Variants in RBM27 observed in about 807,000 individuals in gnomAD.
The protein encoded by RBM27 is RNA binding motif protein 27, also known as RNA-binding protein 27.
In RBM27, 22 loss-of-function variants were observed where a neutral mutation model predicts 135.3. The ratio of observed to expected loss-of-function variants is 0.16; its 90% CI spans 0.12 to 0.23. The LOEUF (loss-of-function observed/expected upper bound fraction) is 0.23. RBM27 is among the 10% of genes least tolerant of loss of function. The pLI, the probability that RBM27 is intolerant of heterozygous loss-of-function variation, is 1.00. For synonymous variants in RBM27, 481 were observed against 442.4 expected, an observed-to-expected ratio of 1.09 and a Z score of -1.10; for missense variants, 1,009 against 1,281.0, an observed-to-expected ratio of 0.79 and a Z score of 3.24.
chr5:146,224,056 T>G (rs1756566401), intron 3 of RBM27, among the ~76,000 whole-genome samples: 1 of 152,210 alleles, frequency 6.6e-6, no homozygotes, highest in South Asian at 2.1e-4. Context: ...AAGGAAATTT[T>G]ACAGAGTTCT....
intron 14 of RBM27, among the ~76,000 whole-genome samples, chr5:146,265,793 C>T (rs1385860740): frequency 6.6e-6 from 1 of 152,152 alleles, no homozygotes; most frequent in African/African-American, 2.4e-5. Context: ...TGAGGAATTA[C>T]ACTGATGTCC....
At chr5:146,271,767 AT>A in intron 19 of RBM27, 93 bp downstream of exon 19, 1 of 1,113,216 alleles carries the variant, frequency 9.0e-7, no homozygotes, top group Non-Finnish European at 1.2e-6. Flanking sequence ...TGTTTTATAG[AT>A]TAGAAAAATT....
intron 10 of RBM27, among the ~76,000 whole-genome samples, chr5:146,256,287 A>G (rs972575371): frequency 3.1e-4 from 46 of 146,438 alleles, no homozygotes; most frequent in African/African-American, 1.0e-3. Flanking sequence ...TCATATATAT[A>G]TATTTTATAT....
intron 19 of RBM27, among the ~76,000 whole-genome samples, chr5:146,283,805 A>G (rs914998691): frequency 5.3e-5 from 8 of 152,336 alleles, no homozygotes; most frequent in African/African-American, 1.7e-4. Context: ...AGGTTTAGCA[A>G]TGATTTTGCT....
At chr5:146,251,586 C>A in intron 8 of RBM27, 125 bp from the exon 9 acceptor site, 1 of 869,376 alleles carries the variant, frequency 1.2e-6, no homozygotes, top group Non-Finnish European at 1.8e-6. Context: ...GAACATCTTT[C>A]TGTACTTCTA....
At chr5:146,269,302 T>A (rs999498764) in intron 16 of RBM27, 21 bp downstream of exon 16, 3 of 1,567,206 alleles carry the variant, frequency 1.9e-6, no homozygotes, top group Non-Finnish European at 1.7e-6. Flanking sequence ...AGCTCATTAT[T>A]TGCATGCTAG....
chr5:146,221,907 AAT>A (rs1470154758), intron 2 of RBM27, among the ~76,000 whole-genome samples: 1 of 152,192 alleles, frequency 6.6e-6, no homozygotes, highest in East Asian at 1.9e-4. Context: ...TTAAAAATTT[AAT>A]AGTGTACCTT....
chr5:146,236,624 T>C (rs1263531652), intron 7 of RBM27, among the ~76,000 whole-genome samples: 3 of 152,164 alleles, frequency 2.0e-5, no homozygotes, highest in Non-Finnish European at 1.5e-5. Context: ...ACTAGTATGG[T>C]ATTTTTTTCT....
chr5:146,276,149 A>G (rs1453586900), intron 19 of RBM27, among the ~76,000 whole-genome samples: 2 of 151,686 alleles, frequency 1.3e-5, no homozygotes, highest in Admixed American at 6.6e-5. Flanking sequence ...TTGACTTCCC[A>G]TTAATCTTTC....
intron 1 of RBM27, among the ~76,000 whole-genome samples, chr5:146,205,448 G>A (rs941071637): frequency 6.6e-6 from 1 of 152,176 alleles, no homozygotes; most frequent in Admixed American, 6.6e-5. Flanking sequence ...AAAATAGGGA[G>A]TAGTTTGGGA....
At chr5:146,217,294 C>G (rs931922569) in intron 1 of RBM27, among the ~76,000 whole-genome samples, 1 of 151,992 alleles carries the variant, frequency 6.6e-6, no homozygotes, top group Non-Finnish European at 1.5e-5. Flanking sequence ...AAGAACCAGC[C>G]TTTCCCATGA....
At chr5:146,256,309 A>G (rs1048436864) in intron 10 of RBM27, among the ~76,000 whole-genome samples, 3 of 146,764 alleles carry the variant, frequency 2.0e-5, no homozygotes, top group African/African-American at 7.4e-5. Flanking sequence ...TATATTATTT[A>G]TATATATATT....
intron 15 of RBM27, among the ~76,000 whole-genome samples, chr5:146,268,644 A>G (rs547759825): frequency 6.6e-6 from 1 of 152,214 alleles, no homozygotes; most frequent in African/African-American, 2.4e-5. Context: ...GTGCAGTGTC[A>G]TGATCATGGC....
At chr5:146,222,455 A>G (rs772514725) in intron 2 of RBM27, among the ~76,000 whole-genome samples, 4 of 152,192 alleles carry the variant, frequency 2.6e-5, no homozygotes, top group Non-Finnish European at 4.4e-5. Context: ...AGGCCGAGGC[A>G]GGCAGATCAC....
intron 3 of RBM27, among the ~76,000 whole-genome samples, chr5:146,227,027 G>T (rs1251173945): frequency 1.3e-5 from 2 of 152,142 alleles, no homozygotes; most frequent in African/African-American, 4.8e-5. Context: ...TCTGAACAGG[G>T]TATAGAGAAG....
At chr5:146,216,529 C>T (rs942123052) in intron 1 of RBM27, among the ~76,000 whole-genome samples, 1 of 152,056 alleles carries the variant, frequency 6.6e-6, no homozygotes. Flanking sequence ...TTAAGATCTA[C>T]TCTCTTAGCA....
intron 8 of RBM27, among the ~76,000 whole-genome samples, chr5:146,238,841 T>A (rs576922558): frequency 6.6e-6 from 1 of 152,306 alleles, no homozygotes; most frequent in African/African-American, 2.4e-5. Context: ...ATTTACTATC[T>A]TTGTGACCTT....
chr5:146,272,882 T>C (rs1326201566), intron 19 of RBM27, among the ~76,000 whole-genome samples: 1 of 152,184 alleles, frequency 6.6e-6, no homozygotes, highest in East Asian at 1.9e-4. Flanking sequence ...GTCCTCTGGG[T>C]TGTGAATGGT....
chr5:146,226,757 A>G (rs1756694565), intron 3 of RBM27, among the ~76,000 whole-genome samples: 1 of 152,178 alleles, frequency 6.6e-6, no homozygotes, highest in African/African-American at 2.4e-5. Flanking sequence ...TTGTAGATAC[A>G]ATTTTGAGAA....
Sources: gnomAD v4.1 joint callset for allele counts (sites outside exome capture counted in the v4.1 genomes callset) on GRCh38, gnomAD v4.1.1 for gene constraint, MANE v1.5 for transcripts, NCBI Gene and HGNC (gene_info 2026-07-23, HGNC 2026-07-21) for gene names.